NPAS3: variants seen among roughly 807,000 people sequenced by gnomAD.
NPAS3 encodes neuronal PAS domain-containing protein 3.
A neutral mutation model predicts 73.1 loss-of-function variants in NPAS3; 14 were observed. That is an observed-to-expected ratio of 0.19 (90% CI 0.13 to 0.30). The LOEUF is 0.30. NPAS3 is among the 10% of genes least tolerant of loss of function. The probability of loss-of-function intolerance (pLI) is 1.00; values close to 1 mark genes in which losing one functional copy is unlikely to be tolerated. For missense variants in NPAS3, 1,096 were observed against 1,250.0 expected (o/e 0.88, Z 1.86); for synonymous variants, 620 against 541.5 (o/e 1.14, Z -2.01).
At chr14:33,441,921 C>A (rs2049267583) in intron 4 of NPAS3, among the ~76,000 whole-genome samples, 1 of 152,140 alleles carries the variant, frequency 6.6e-6, no homozygotes, top group Admixed American at 6.5e-5. Flanking sequence ...GATTCAATTA[C>A]CTCCCCCCAG....
chr14:33,777,393 T>C (rs955914753), intron 8 of NPAS3, among the ~76,000 whole-genome samples: 1 of 152,190 alleles, frequency 6.6e-6, no homozygotes, highest in Non-Finnish European at 1.5e-5. Context: ...AGAAATTCAC[T>C]CGATGGGTAA....
intron 3 of NPAS3, among the ~76,000 whole-genome samples, chr14:33,318,257 T>A (rs1364387094): frequency 2.0e-5 from 3 of 152,118 alleles, no homozygotes; most frequent in Non-Finnish European, 1.5e-5. Context: ...AGACAAGTAC[T>A]ATATGATTTT....
At chr14:33,754,064 G>A (rs573919242) in intron 7 of NPAS3, among the ~76,000 whole-genome samples, 1 of 152,270 alleles carries the variant, frequency 6.6e-6, no homozygotes, top group East Asian at 1.9e-4. Context: ...CCAGTGATAT[G>A]AAAAGCAGGA....
chr14:33,278,582 C>A (rs2041446536), intron 3 of NPAS3, among the ~76,000 whole-genome samples: 1 of 151,714 alleles, frequency 6.6e-6, no homozygotes, highest in Non-Finnish European at 1.5e-5. Flanking sequence ...ATATGAAAAT[C>A]ATTTTGAGGA....
At chr14:33,276,822 A>G (rs988614523) in intron 3 of NPAS3, among the ~76,000 whole-genome samples, 18 of 152,272 alleles carry the variant, frequency 1.2e-4, no homozygotes, top group African/African-American at 4.1e-4. Flanking sequence ...CTGTAAACAT[A>G]TATTCTTCTC....
At chr14:33,737,892 C>A (rs2140665404) in intron 7 of NPAS3, among the ~76,000 whole-genome samples, 1 of 152,256 alleles carries the variant, frequency 6.6e-6, no homozygotes, top group South Asian at 2.1e-4. Context: ...AATTTATGAC[C>A]ATTGTATGCA....
At chr14:33,198,199 A>G (rs1235227840) in intron 2 of NPAS3, among the ~76,000 whole-genome samples, 1 of 152,196 alleles carries the variant, frequency 6.6e-6, no homozygotes, top group Non-Finnish European at 1.5e-5. Context: ...AGCAACAGCA[A>G]GAGTTATTGC....
chr14:33,056,745 C>A (rs10144956), intron 2 of NPAS3, among the ~76,000 whole-genome samples: 45,010 of 151,940 alleles, frequency 0.3, 7,241 homozygotes, highest in African/African-American at 0.43. Context: ...GAATCTTCCC[C>A]AAAAAAGATG....
intron 1 of NPAS3, among the ~76,000 whole-genome samples, chr14:32,975,301 C>CCTTCCTCCGTCA (rs1555313379): frequency 1.2e-4 from 14 of 116,290 alleles, no homozygotes; most frequent in African/African-American, 2.5e-4. Flanking sequence ...TCCCTCCCTC[C>CCTTCCTCCGTCA]CTCCCTGCCT....
intron 3 of NPAS3, among the ~76,000 whole-genome samples, chr14:33,312,792 C>T (rs959877508): frequency 6.6e-6 from 1 of 151,894 alleles, no homozygotes; most frequent in East Asian, 1.9e-4. Flanking sequence ...AAATAGAAAA[C>T]AAAAGCCTTA....
At chr14:33,218,805 AG>A (rs969968150) in intron 3 of NPAS3, among the ~76,000 whole-genome samples, 1 of 152,198 alleles carries the variant, frequency 6.6e-6, no homozygotes, top group African/African-American at 2.4e-5. Context: ...GGCTTCAGAA[AG>A]GTCCTTTACT....
rs187734573 is a variant in NPAS3 at position 33,560,897 on chromosome 14, C to T, written c.558+687C>T. On this transcript the variant is annotated intron_variant, in intron 5 of 11. Coordinates refer to ENST00000356141, the Ensembl canonical transcript of NPAS3. ...TTAAGTTCCAGTGAATGCCAAGACA[C>T]GGGCTGCATCTGGTGAATGCCAAAA... Among the ~76,000 whole-genome samples, 34 of 152,304 alleles carry T rather than the reference C, an allele frequency of 2.2e-4. No individual in the cohort carries two copies. The East Asian group carries it at 3.9e-3, about 17-fold the overall frequency.
chr14:33,032,651 G>A (rs1341220676), intron 1 of NPAS3, among the ~76,000 whole-genome samples: 3 of 152,244 alleles, frequency 2.0e-5, no homozygotes, highest in South Asian at 4.1e-4. Context: ...CCTTATATGC[G>A]GTTTACACGG....
chr14:33,535,399 G>A (rs1484105348), intron 4 of NPAS3, among the ~76,000 whole-genome samples: 1 of 152,214 alleles, frequency 6.6e-6, no homozygotes, highest in Admixed American at 6.6e-5. Context: ...CAGAGCAGAT[G>A]CAAATGTGGC....
chr14:33,030,220 G>A (rs1337991121), intron 1 of NPAS3, among the ~76,000 whole-genome samples: 1 of 152,130 alleles, frequency 6.6e-6, no homozygotes, highest in Non-Finnish European at 1.5e-5. Context: ...GCGCTTGGTG[G>A]TGATTGTTTT....
rs528932783 is a variant in NPAS3, at chr14:33,108,183, T to A, written c.140+52189T>A. 2.2e-5 allele frequency among the ~76,000 whole-genome samples: 3 copies of A among 139,242 alleles called. No individual in the cohort carries two copies. The South Asian group carries it at 7.1e-4, about 33-fold the overall frequency. The allele number at this position is 139,242 out of a possible 152,430, so 91.3% of individuals were successfully genotyped here. The stretch of plus-strand genomic sequence containing the variant: ...CCTGCTAATAGCTATTAGCCATCTA[T>A]TTATTGTTCTGATTTTTTTTTTTTT... On this transcript the variant is annotated intron_variant, in intron 2 of 11. Transcript: ENST00000356141.
At chr14:33,803,586 G>A (rs1437045886), downstream of NPAS3, 1 of 151,986 alleles carries the variant, frequency 6.6e-6, no homozygotes, top group Admixed American at 6.6e-5. Flanking sequence ...ACAAAGAACA[G>A]CTAGACAGCT....
intron 2 of NPAS3, among the ~76,000 whole-genome samples, chr14:33,117,997 T>G (rs2043120414): frequency 6.6e-6 from 1 of 152,100 alleles, no homozygotes. Context: ...GTGAGTACTC[T>G]TCCATTATTT....
At chr14:33,071,713 A>G (rs995844705) in intron 2 of NPAS3, among the ~76,000 whole-genome samples, 15 of 152,196 alleles carry the variant, frequency 9.9e-5, no homozygotes, top group African/African-American at 3.1e-4. Context: ...AATTTTATGT[A>G]TCACTTAAGT....
Sources: allele counts gnomAD v4.1 joint callset (sites outside exome capture counted in the v4.1 genomes callset), GRCh38; gene constraint gnomAD v4.1.1; transcripts MANE v1.5; gene names NCBI Gene and HGNC (gene_info 2026-07-23, HGNC 2026-07-21).